Variants in DHX32 observed in about 807,000 individuals in gnomAD.
DHX32 encodes the protein putative pre-mRNA-splicing factor ATP-dependent RNA helicase DHX32.
DHX32 carries 51 observed loss-of-function variants against 70.0 expected under a neutral mutation model. That is an observed-to-expected ratio of 0.73 (90% CI 0.58 to 0.92). The LOEUF is 0.92. Among genes scored for constraint, DHX32 ranks in the 40% least tolerant of loss-of-function variants. The probability of loss-of-function intolerance (pLI) is 0.00; values close to 1 mark genes in which losing one functional copy is unlikely to be tolerated. For synonymous variants in DHX32, 310 were observed against 315.3 expected (o/e 0.98, Z 0.18); for missense variants, 762 against 891.8 (o/e 0.85, Z 1.85).
chr10:125,893,737 C>T (rs78235775), intron 1 of DHX32, among the ~76,000 whole-genome samples: 1 of 152,262 alleles, frequency 6.6e-6, no homozygotes, highest in Non-Finnish European at 1.5e-5. Flanking sequence ...AAAGTACCCT[C>T]ACTCTGGTAA....
intron 1 of DHX32, among the ~76,000 whole-genome samples, chr10:125,878,370 A>C (rs1564831819): frequency 1.3e-5 from 2 of 152,218 alleles, no homozygotes; most frequent in Admixed American, 1.3e-4. Context: ...TTACATCTTC[A>C]TAACAAACTT....
At chr10:125,864,483 G>A (rs1944207332) in intron 2 of DHX32, among the ~76,000 whole-genome samples, 1 of 152,204 alleles carries the variant, frequency 6.6e-6, no homozygotes, top group Non-Finnish European at 1.5e-5. Context: ...TTAATATATA[G>A]TATTTCCTTT....
chr10:125,877,494 C>T (rs1944291346), intron 1 of DHX32, among the ~76,000 whole-genome samples: 1 of 152,056 alleles, frequency 6.6e-6, no homozygotes, highest in East Asian at 1.9e-4. Context: ...CGAGACCAGC[C>T]TGGCCAAAAT....
At chr10:125,889,215 C>T (rs570410757) in intron 1 of DHX32, among the ~76,000 whole-genome samples, 4 of 152,232 alleles carry the variant, frequency 2.6e-5, no homozygotes, top group Non-Finnish European at 2.9e-5. Context: ...TTTCCTTTTG[C>T]GGGTTTATGG....
At chr10:125,859,039 TTG>T (rs1372159912) in intron 3 of DHX32, among the ~76,000 whole-genome samples, 2 of 141,680 alleles carry the variant, frequency 1.4e-5, no homozygotes, top group African/African-American at 2.6e-5. Context: ...TTTTGTTTGT[TTG>T]TTTGTTTTTT....
intron 1 of DHX32, among the ~76,000 whole-genome samples, chr10:125,895,043 T>C (rs1944434165): frequency 6.6e-6 from 1 of 152,308 alleles, no homozygotes; most frequent in Admixed American, 6.5e-5. Flanking sequence ...GTGTTCTGTA[T>C]ATATCACGCT....
At chr10:125,846,810 C>T (rs1328036301) in intron 6 of DHX32, among the ~76,000 whole-genome samples, 11 of 152,272 alleles carry the variant, frequency 7.2e-5, no homozygotes, top group African/African-American at 1.4e-4. Flanking sequence ...CTTTCTTGGG[C>T]GTTTTCGACT....
intron 1 of DHX32, among the ~76,000 whole-genome samples, chr10:125,874,090 A>C (rs1051602636): frequency 6.6e-6 from 1 of 152,246 alleles, no homozygotes; most frequent in Non-Finnish European, 1.5e-5. Context: ...AAATGTAATA[A>C]GAAAAGATTC....
chr10:125,838,683 A>G lies in DHX32; in HGVS notation c.1882-296T>C, dbSNP rs139430361. 4.1e-3 allele frequency among the ~76,000 whole-genome samples: 624 copies of G among 152,210 alleles called. 2 individuals carry two copies. Among genetic ancestry groups the G allele is most frequent in the Non-Finnish European group, 7.0e-3 (476 of 67,996 alleles). ...AACTTAGCACGCTACCCACCATACT[A>G]TGGGCGACATACACTCCAATGCCAA... On this transcript the variant is annotated intron_variant, in intron 9 of 10. Transcript: ENST00000284690.
At chr10:125,845,909 G>A (rs1944010438) in intron 6 of DHX32, among the ~76,000 whole-genome samples, 1 of 152,182 alleles carries the variant, frequency 6.6e-6, no homozygotes, top group African/African-American at 2.4e-5. Context: ...CCCGTGACAT[G>A]GAAGGAAACA....
chr10:125,845,626 A>G (rs1944007612), intron 6 of DHX32, among the ~76,000 whole-genome samples: 1 of 152,224 alleles, frequency 6.6e-6, no homozygotes, highest in African/African-American at 2.4e-5. Flanking sequence ...CAATAAGAGC[A>G]GAGAAGTAAG....
In DHX32 at chr10:125,859,906, G is replaced by A; in HGVS notation, c.546C>T (p.Ile182=). The A allele has an allele frequency of 6.2e-7, 1 of 1,613,834 alleles. No individual in the cohort carries two copies. The highest frequency in any genetic ancestry group is 8.5e-7 in the Non-Finnish European group (1 of 1,179,876). The change falls in exon 3 of 11, where the codon ATC becomes ATT. Residue 182 remains isoleucine, a synonymous_variant. Coordinates refer to ENST00000284690, the MANE Select transcript of DHX32 (RefSeq NM_018180.3). The part of the protein sequence containing the change: ...SNPFLGSYGV[I]ILDDIHERSI... Reference sequence around the variant, plus strand: ...TTCTTTCATGAATATCATCTAAGATGATGACCCCATAGCTACCCAAAAAAG... The same window carrying A: ...TTCTTTCATGAATATCATCTAAGATAATGACCCCATAGCTACCCAAAAAAG...
In DHX32 at chr10:125,871,377, G is replaced by A. The variant is rs551699926; in HGVS notation, c.283-4194C>T. On this transcript the variant is annotated intron_variant, in intron 1 of 10. Coordinates refer to ENST00000284690, the MANE Select transcript of DHX32 (RefSeq NM_018180.3). ...GTAGAAGACTGAACATATCCATATC[G>A]TGCTTAATGTAGGAATGTTTGCTTA... Among the ~76,000 whole-genome samples the A allele has an allele frequency of 2.5e-4, 38 of 152,236 alleles. No homozygotes were observed. The South Asian group carries it at 5.6e-3, about 22-fold the overall frequency.
chr10:125,875,754 C>T (rs144550627), intron 1 of DHX32, among the ~76,000 whole-genome samples: 110 of 152,288 alleles, frequency 7.2e-4, no homozygotes, highest in African/African-American at 2.6e-3. Flanking sequence ...GAGATCTGAC[C>T]TGACAACTCC....
intron 2 of DHX32, among the ~76,000 whole-genome samples, chr10:125,863,019 G>A (rs569800136): frequency 6.6e-6 from 1 of 151,924 alleles, no homozygotes; most frequent in Non-Finnish European, 1.5e-5. Flanking sequence ...AGGAAATGCA[G>A]TTTATATCTT....
chr10:125,876,283 C>G (rs1453020101), intron 1 of DHX32, among the ~76,000 whole-genome samples: 1 of 152,214 alleles, frequency 6.6e-6, no homozygotes, highest in Non-Finnish European at 1.5e-5. Flanking sequence ...TAGTACAACT[C>G]CTGTCTGCTG....
At chr10:125,856,943 A>G (rs1196965651) in intron 3 of DHX32, among the ~76,000 whole-genome samples, 1 of 152,250 alleles carries the variant, frequency 6.6e-6, no homozygotes, top group Non-Finnish European at 1.5e-5. Context: ...CAACATAGTG[A>G]GGTCCTGTCT....
Position 125,854,123 on chromosome 10 carries a change from C to A in DHX32, c.930G>T (p.Leu310Phe). 6.2e-7 allele frequency: 1 copy of A among 1,613,680 alleles called. No individual in the cohort carries two copies. The highest frequency in any genetic ancestry group is 8.5e-7 in the Non-Finnish European group (1 of 1,179,940). ...PDLGELVVVP[L>F]YPKEKCSLFK... ...ACAATGAACATTTCTCTTTTGGATA[C>A]AAAGGAACAACCACCAGTTCTCCAA... Residue 310 changes from leucine (L) to phenylalanine (F), a missense_variant, in exon 4 of 11, where the codon TTG (leucine) becomes TTT (phenylalanine). Around this residue, in one of 3 missense-constraint regions of DHX32, gnomAD observed 394 missense variants for 473.1 expected, o/e 0.83. Transcript: ENST00000284690.
Position 125,849,690 on chromosome 10 carries a change from G to A in DHX32, c.1351+2603C>T, listed in dbSNP as rs546842282. ...ATGGGGAGGGCCACATGTGAGGGCC[G>A]TTGGCAGCCTGCTTCCTCCCATTCT... On this transcript the variant is annotated intron_variant, in intron 6 of 10. Transcript: ENST00000284690. 4.6e-5 allele frequency among the ~76,000 whole-genome samples: 7 copies of A among 152,302 alleles called. No homozygotes were observed. In the East Asian group the frequency reaches 5.8e-4, roughly 13 times the overall value.
Sources: gnomAD v4.1 joint callset for allele counts (sites outside exome capture counted in the v4.1 genomes callset) on GRCh38, gnomAD v4.1.1 for gene constraint, gnomAD v4.1.1 regional missense constraint, MANE v1.5 for transcripts, NCBI Gene and HGNC (gene_info 2026-07-23, HGNC 2026-07-21) for gene names.